The following ASRGL1 variants were observed in gnomAD, a reference collection of about 807,000 sequenced individuals.
ASRGL1 encodes isoaspartyl peptidase/L-asparaginase.
A neutral mutation model predicts 22.4 loss-of-function variants in ASRGL1; 16 were observed. The observed-to-expected ratio is 0.71, with a 90% CI of 0.48 to 1.08. The LOEUF (loss-of-function observed/expected upper bound fraction) is 1.08. ASRGL1 is among the 50% of genes least tolerant of loss of function. ASRGL1 has a pLI of 0.00. For synonymous variants in ASRGL1, 165 were observed against 159.3 expected, an observed-to-expected ratio of 1.04 and a Z score of -0.27; for missense variants, 412 against 410.1, an observed-to-expected ratio of 1.00 and a Z score of -0.04.
At chr11:62,362,023 C>T (rs1946446582) in intron 4 of ASRGL1, among the ~76,000 whole-genome samples, 1 of 152,122 alleles carries the variant, frequency 6.6e-6, no homozygotes, top group Non-Finnish European at 1.5e-5. Flanking sequence ...GATAATGGAG[C>T]AAATGTGGTT....
chr11:62,391,688 A>G, intron 6 of ASRGL1, 56 bp downstream of exon 6: 3 of 1,526,776 alleles, frequency 2.0e-6, no homozygotes, highest in East Asian at 4.9e-5. Context: ...CATAGAAGGT[A>G]TTTGATAAGT....
intron 2 of ASRGL1, among the ~76,000 whole-genome samples, chr11:62,346,655 T>C (rs2134580762): frequency 6.6e-6 from 1 of 152,224 alleles, no homozygotes; most frequent in East Asian, 1.9e-4. Context: ...ATGATCCTAG[T>C]CTTGCCTTTT....
intron 4 of ASRGL1, among the ~76,000 whole-genome samples, chr11:62,364,626 GTA>G (rs2052955684): frequency 6.6e-6 from 1 of 152,186 alleles, no homozygotes; most frequent in Admixed American, 6.5e-5. Context: ...AATGGATAAA[GTA>G]TAATGTATAT....
chr11:62,376,580 T>C (rs1286119397), intron 4 of ASRGL1, among the ~76,000 whole-genome samples: 1 of 152,190 alleles, frequency 6.6e-6, no homozygotes, highest in Non-Finnish European at 1.5e-5. Context: ...TTTCTATAAA[T>C]GTTTAAAAAA....
At chr11:62,364,313 G>A (rs377367658) in intron 4 of ASRGL1, among the ~76,000 whole-genome samples, 44 of 152,192 alleles carry the variant, frequency 2.9e-4, no homozygotes, top group African/African-American at 9.6e-4. Flanking sequence ...ATCACCAGCC[G>A]ATTAACAAAT....
chr11:62,379,933 G>C (rs1042475889), intron 4 of ASRGL1, among the ~76,000 whole-genome samples: 5 of 150,530 alleles, frequency 3.3e-5, no homozygotes, highest in Admixed American at 2.0e-4. Context: ...TTCTAATAGT[G>C]TTTTTCTTTT....
chr11:62,400,033 C>T, the ASRGL1 span, among the ~76,000 whole-genome samples: 1 of 152,226 alleles, frequency 6.6e-6, no homozygotes, highest in Non-Finnish European at 1.5e-5. Flanking sequence ...CTATCCCACC[C>T]ATCCTCCAGA....
intron 4 of ASRGL1, among the ~76,000 whole-genome samples, chr11:62,358,243 G>C (rs1408138555): frequency 3.3e-5 from 5 of 152,060 alleles, no homozygotes; most frequent in African/African-American, 1.2e-4. Flanking sequence ...GATGGTGCGT[G>C]CCTGTAATCC....
intron 4 of ASRGL1, among the ~76,000 whole-genome samples, chr11:62,376,054 A>G (rs1438582513): frequency 1.4e-5 from 2 of 143,636 alleles, no homozygotes; most frequent in East Asian, 2.1e-4. Flanking sequence ...ATGAGCTGAG[A>G]TCGCACCACT....
chr11:62,362,664 TATATA>T (rs1946494468), intron 4 of ASRGL1, among the ~76,000 whole-genome samples: 1 of 93,730 alleles, frequency 1.1e-5, no homozygotes, highest in African/African-American at 4.4e-5. Flanking sequence ...TTATATAAAA[TATATA>T]ATATATATTA....
chr11:62,356,200 G>A (rs1315624797), intron 2 of ASRGL1, 125 bp from the exon 3 acceptor site: 9 of 1,155,150 alleles, frequency 7.8e-6, no homozygotes, highest in South Asian at 4.3e-5. Flanking sequence ...AGGGGCAGCC[G>A]GGCAGAGGCG....
intron 2 of ASRGL1, among the ~76,000 whole-genome samples, chr11:62,341,230 G>T (rs561756294): frequency 7.3e-6 from 1 of 137,666 alleles, no homozygotes; most frequent in Admixed American, 7.9e-5. Flanking sequence ...ACTGAGTCTC[G>T]CTCTGTCACC....
chr11:62,400,546 G>A, the ASRGL1 span, among the ~76,000 whole-genome samples: 1 of 152,126 alleles, frequency 6.6e-6, no homozygotes, highest in African/African-American at 2.4e-5. Flanking sequence ...TTGGGCACTG[G>A]GCAGAACCCC....
chr11:62,348,531 C>G (rs1488632773), intron 2 of ASRGL1, among the ~76,000 whole-genome samples: 1 of 151,894 alleles, frequency 6.6e-6, no homozygotes, highest in Non-Finnish European at 1.5e-5. Context: ...TGCGAAACCC[C>G]GTCTCTACTA....
At chr11:62,362,669 A>AAC (rs1946495354) in intron 4 of ASRGL1, among the ~76,000 whole-genome samples, 4 of 30,332 alleles carry the variant, frequency 1.3e-4, no homozygotes, top group Non-Finnish European at 3.1e-4. Context: ...TAAAATATAT[A>AAC]ATATATATTA....
chr11:62,347,464 C>G (rs1590707619), intron 2 of ASRGL1, among the ~76,000 whole-genome samples: 1 of 152,284 alleles, frequency 6.6e-6, no homozygotes, highest in Non-Finnish European at 1.5e-5. Flanking sequence ...GGCTATCTAG[C>G]CCCTAACCAT....
Position 62,362,723 on chromosome 11 carries a change from A to ATATAT in ASRGL1, c.491+5580_491+5584dup, listed in dbSNP as rs1332636990. Among the ~76,000 whole-genome samples, 9 of 70,572 alleles carry ATATAT rather than the reference A, an allele frequency of 1.3e-4. No homozygotes were observed. The South Asian group carries it at 1.8e-3, about 14-fold the overall frequency. The allele number at this position is 70,572 out of a possible 152,430, so 46.3% of individuals were successfully genotyped here. A position where few individuals can be genotyped will look rare whatever the true frequency, so the allele number is the denominator to read the frequency against. ...TATTATATAAAATATATTATATGTTATATATAAAATATAATATATATTATA... is the reference window on the plus strand; with the variant it reads ...TATTATATAAAATATATTATATGTTATATATTATATAAAATATAATATATATTATA... On this transcript the variant is annotated intron_variant, in intron 4 of 6. Transcript: ENST00000415229.
chr11:62,373,011 C>T, intron 4 of ASRGL1: 1 of 1,381,338 alleles, frequency 7.2e-7, no homozygotes, highest in East Asian at 2.3e-5. Flanking sequence ...GGATCACAAG[C>T]CCAAGTCTTC....
chr11:62,379,504 C>G (rs1464051530), intron 4 of ASRGL1, among the ~76,000 whole-genome samples: 1 of 152,154 alleles, frequency 6.6e-6, no homozygotes, highest in Non-Finnish European at 1.5e-5. Context: ...AATTGAGGAG[C>G]TAATAACCAA....
Sources: allele counts gnomAD v4.1 joint callset (sites outside exome capture counted in the v4.1 genomes callset), GRCh38; gene constraint gnomAD v4.1.1; transcripts MANE v1.5; gene names NCBI Gene and HGNC (gene_info 2026-07-23, HGNC 2026-07-21).